The following ARHGAP42 variants were observed in gnomAD, a reference collection of about 807,000 sequenced individuals.
ARHGAP42 encodes the protein Rho GTPase activating protein 42.
A neutral mutation model predicts 125.0 loss-of-function variants in ARHGAP42; 63 were observed. The ratio of observed to expected loss-of-function variants is 0.50; its 90% confidence interval spans 0.41 to 0.62. The LOEUF (loss-of-function observed/expected upper bound fraction) is 0.62, where lower values mean the gene tolerates loss of function less well. Among genes scored for constraint, ARHGAP42 ranks in the 20% least tolerant of loss-of-function variants. The pLI, the probability that ARHGAP42 is intolerant of heterozygous loss-of-function variation, is 0.00. For synonymous variants in ARHGAP42, 339 were observed against 351.0 expected (o/e 0.97, Z 0.38); for missense variants, 766 against 1,024.2 (o/e 0.75, Z 3.44).
intron 8 of ARHGAP42, among the ~76,000 whole-genome samples, chr11:100,939,524 A>G (rs1468459444): frequency 6.6e-6 from 1 of 152,168 alleles, no homozygotes; most frequent in Non-Finnish European, 1.5e-5. Context: ...CAGTTTTCTT[A>G]AAATGTTCTT....
At chr11:100,859,341 A>G (rs1229146881) in intron 3 of ARHGAP42, 1 of 422,404 alleles carries the variant, frequency 2.4e-6, no homozygotes, top group Non-Finnish European at 4.2e-6. Context: ...TTATTTTCGT[A>G]TTTTTCACAT....
chr11:100,756,448 T>C (rs1432250495), intron 1 of ARHGAP42, among the ~76,000 whole-genome samples: 1 of 152,102 alleles, frequency 6.6e-6, no homozygotes, highest in Non-Finnish European at 1.5e-5. Flanking sequence ...ATATATGAAC[T>C]GTAGTAAATA....
chr11:100,893,494 A>C (rs1866273067), intron 4 of ARHGAP42, among the ~76,000 whole-genome samples: 1 of 152,140 alleles, frequency 6.6e-6, no homozygotes, highest in African/African-American at 2.4e-5. Context: ...AAAAGCCATA[A>C]ATAAGACTGA....
At position 100,707,054 on chromosome 11, in the gene ARHGAP42, A is replaced by T. The variant is rs574015146; in HGVS notation, c.154+19222A>T. Among the ~76,000 whole-genome samples, 8 of 152,364 alleles carry T rather than the reference A, an allele frequency of 5.3e-5. No homozygotes were observed. The South Asian group carries it at 1.7e-3, about 32-fold the overall frequency. On this transcript the variant is annotated intron_variant, in intron 1 of 23. Transcript: ENST00000298815. ...GCTTACTTAGCATATTTCAAGGTTC[A>T]TCCATATTTAAACATAGACCAGTAT...
chr11:100,695,366 C>T (rs11824601), intron 1 of ARHGAP42, among the ~76,000 whole-genome samples: 370 of 152,274 alleles, frequency 2.4e-3, no homozygotes, highest in African/African-American at 7.3e-3. Flanking sequence ...TGCAATCGCA[C>T]GATCTCAGCT....
At chr11:100,832,625 AT>A (rs1333597439) in intron 3 of ARHGAP42, among the ~76,000 whole-genome samples, 5 of 152,166 alleles carry the variant, frequency 3.3e-5, no homozygotes, top group African/African-American at 1.2e-4. Flanking sequence ...GTTTACCAAA[AT>A]GTCAGACAAA....
intron 4 of ARHGAP42, among the ~76,000 whole-genome samples, chr11:100,867,436 C>A (rs533362300): frequency 1.3e-5 from 2 of 152,316 alleles, no homozygotes; most frequent in Admixed American, 1.3e-4. Flanking sequence ...TCACCTGAGA[C>A]GTATATGTTA....
chr11:100,879,324 A>T (rs1865901451), intron 4 of ARHGAP42, among the ~76,000 whole-genome samples: 1 of 152,138 alleles, frequency 6.6e-6, no homozygotes, highest in South Asian at 2.1e-4. Context: ...GTACTGAGTG[A>T]CTAGAAAGAT....
chr11:100,751,266 AGT>A (rs60164599), intron 1 of ARHGAP42, among the ~76,000 whole-genome samples: 14,695 of 126,070 alleles, frequency 0.12, 1,436 homozygotes, highest in East Asian at 0.24. Context: ...TTATATATAT[AGT>A]GTGTGTGTGT....
intron 3 of ARHGAP42, among the ~76,000 whole-genome samples, chr11:100,828,690 CTT>C (rs770379228): frequency 3.5e-4 from 50 of 143,688 alleles, no homozygotes; most frequent in Admixed American, 3.5e-4. Flanking sequence ...TTCTGTTTGT[CTT>C]TTTTTTTTTT....
At chr11:100,898,777 C>A (rs1262423173) in intron 4 of ARHGAP42, among the ~76,000 whole-genome samples, 2 of 152,062 alleles carry the variant, frequency 1.3e-5, no homozygotes, top group Non-Finnish European at 2.9e-5. Flanking sequence ...TTTTGTTGAT[C>A]TTTTCAAAAA....
Position 100,815,842 on chromosome 11 carries a change from C to T in ARHGAP42, c.312+20676C>T, listed in dbSNP as rs531017393. On this transcript the variant is annotated intron_variant, in intron 3 of 23. Coordinates refer to ENST00000298815, the MANE Select transcript of ARHGAP42 (RefSeq NM_152432.4). ...ACAGCCCCTGGCAATCACCCTTCTA[C>T]TTTCTGTTCCTAGGAGTTTGACTAT... Among the ~76,000 whole-genome samples the T allele has an allele frequency of 2.0e-5, 3 of 152,260 alleles. No individual in the cohort carries two copies. The South Asian group carries it at 6.2e-4, about 32-fold the overall frequency.
chr11:100,711,528 G>A (rs967189198), intron 1 of ARHGAP42, among the ~76,000 whole-genome samples: 83 of 151,866 alleles, frequency 5.5e-4, no homozygotes, highest in African/African-American at 1.8e-3. Context: ...ATAATTTTTT[G>A]TCTACTTTCT....
At chr11:100,987,046 A>G (rs1163051874) in intron 22 of ARHGAP42, among the ~76,000 whole-genome samples, 2 of 151,952 alleles carry the variant, frequency 1.3e-5, no homozygotes, top group Admixed American at 6.6e-5. Flanking sequence ...TATTTTTCCT[A>G]TATCACGCCC....
At chr11:100,875,105 CTCTGTG>C (rs1185015191) in intron 4 of ARHGAP42, among the ~76,000 whole-genome samples, 78 of 49,280 alleles carry the variant, frequency 1.6e-3, no homozygotes, top group East Asian at 5.3e-3. Flanking sequence ...CTCTCTCTCT[CTCTGTG>C]TGTGTGTGTG....
chr11:100,934,022 G>A (rs1867658798), intron 7 of ARHGAP42, among the ~76,000 whole-genome samples: 1 of 152,096 alleles, frequency 6.6e-6, no homozygotes, highest in African/African-American at 2.4e-5. Context: ...CCCGACCTCA[G>A]GTGATCCACC....
chr11:100,883,786 A>T (rs754706614), intron 4 of ARHGAP42, among the ~76,000 whole-genome samples: 3 of 152,196 alleles, frequency 2.0e-5, no homozygotes, highest in Non-Finnish European at 4.4e-5. Flanking sequence ...AGAAATAGGG[A>T]CAGATTTAGT....
chr11:100,751,277 G>GTTTTTTTTTTTTTT (rs756243174), intron 1 of ARHGAP42, among the ~76,000 whole-genome samples: 2 of 121,624 alleles, frequency 1.6e-5, no homozygotes, highest in African/African-American at 3.4e-5. Context: ...GTGTGTGTGT[G>GTTTTTTTTTTTTTT]TGTTTTTTTT....
At chr11:100,760,553 T>C (rs922669821) in intron 1 of ARHGAP42, among the ~76,000 whole-genome samples, 15 of 151,822 alleles carry the variant, frequency 9.9e-5, no homozygotes, top group African/African-American at 2.7e-4. Context: ...ACAAAAAAAT[T>C]AGCCGGGTGT....
Sources: gnomAD v4.1 joint callset for allele counts (sites outside exome capture counted in the v4.1 genomes callset) on GRCh38, gnomAD v4.1.1 for gene constraint, MANE v1.5 for transcripts, NCBI Gene and HGNC (gene_info 2026-07-23, HGNC 2026-07-21) for gene names.